Variants in ZRANB1 observed in about 807,000 individuals in gnomAD.
ZRANB1 encodes the protein ubiquitin thioesterase ZRANB1.
A neutral mutation model predicts 80.5 loss-of-function variants in ZRANB1; 16 were observed. That is an observed-to-expected ratio of 0.20 (90% CI 0.13 to 0.30). The LOEUF (loss-of-function observed/expected upper bound fraction) is 0.30. ZRANB1 is among the 10% of genes least tolerant of loss of function. The pLI is 1.00. For synonymous variants in ZRANB1, 291 were observed against 293.1 expected, an observed-to-expected ratio of 0.99 and a Z score of 0.07; for missense variants, 576 against 862.6, an observed-to-expected ratio of 0.67 and a Z score of 4.16.
the ZRANB1 span, among the ~76,000 whole-genome samples, chr10:124,930,774 C>G: frequency 2.0e-5 from 3 of 152,082 alleles, no homozygotes; most frequent in African/African-American, 7.2e-5. Context: ...GTGGCTCATG[C>G]CTGTAAACCC....
rs114751724 is a variant in ZRANB1, at chr10:124,970,247, C to T, written c.1003-1718C>T. On this transcript the variant is annotated intron_variant, in intron 2 of 8. Transcript: ENST00000359653. ...AAAGTCTAGTTGAACTGAATTTCCA[C>T]GTAGGAGTTTTTAAATTTTTTATTT... Among the ~76,000 whole-genome samples the T allele has an allele frequency of 7.2e-3, 1,090 of 152,124 alleles. 17 individuals are homozygous for T. The highest frequency in any genetic ancestry group is 0.025 in the African/African-American group (1,031 of 41,480).
the ZRANB1 span, among the ~76,000 whole-genome samples, chr10:124,924,020 C>T: frequency 6.7e-6 from 1 of 149,752 alleles, no homozygotes; most frequent in Non-Finnish European, 1.5e-5. Context: ...ACTCACACAC[C>T]GCAGTTTTGG....
intron 5 of ZRANB1, 123 bp downstream of exon 5, chr10:124,974,521 T>A (rs1951857376): frequency 2.0e-6 from 2 of 993,486 alleles, no homozygotes; most frequent in South Asian, 3.3e-5. Flanking sequence ...AAACAGTTCA[T>A]TTTGGACATT....
chr10:124,964,656 CTT>C, intron 1 of ZRANB1, among the ~76,000 whole-genome samples: 1 of 152,114 alleles, frequency 6.6e-6, no homozygotes, highest in Middle Eastern at 3.2e-3. Flanking sequence ...TGATCAGACT[CTT>C]GGGTTGTTTT....
At chr10:124,923,014 C>T in the ZRANB1 span, among the ~76,000 whole-genome samples, 18 of 152,164 alleles carry the variant, frequency 1.2e-4, no homozygotes, top group South Asian at 4.2e-4. Flanking sequence ...ATCAGCCGGG[C>T]GCAGTGGCTC....
rs139428521 is a variant in ZRANB1, at chr10:124,967,873, G to A, written c.1002+1092G>A. Among the ~76,000 whole-genome samples, 754 of 151,900 alleles carry A rather than the reference G, an allele frequency of 5.0e-3. 4 individuals are homozygous for A. The highest frequency in any genetic ancestry group is 0.015 in the African/African-American group (613 of 41,426). The stretch of plus-strand genomic sequence containing the variant: ...AGATTGTGTATGAATTATTCAGAAT[G>A]TGACTACATTATCCAGGTTTTTTTT... On this transcript the variant is annotated intron_variant, in intron 2 of 8. Transcript: ENST00000359653.
intron 1 of ZRANB1, among the ~76,000 whole-genome samples, chr10:124,950,249 C>T (rs1951626159): frequency 1.3e-5 from 2 of 152,068 alleles, no homozygotes; most frequent in Admixed American, 1.3e-4. Flanking sequence ...CTCAGCCACC[C>T]AGGTAGATGG....
At chr10:124,940,446 C>A, upstream of ZRANB1, 1 of 1,211,370 alleles carries the variant, frequency 8.3e-7, no homozygotes. Flanking sequence ...GAATTCTGAG[C>A]CAGCATGAAG....
intron 4 of ZRANB1, 32 bp from the exon 5 acceptor site, chr10:124,974,168 G>A (rs767767662): frequency 1.3e-4 from 204 of 1,606,774 alleles, no homozygotes; most frequent in Non-Finnish European, 1.7e-4. Context: ...CATAGGTATG[G>A]AAATGAACAT....
chr10:124,943,276 G>C lies in ZRANB1; in HGVS notation c.783G>C (p.Lys261Asn). 6.2e-7 allele frequency: 1 copy of C among 1,613,978 alleles called. No individual in the cohort carries two copies. ...KLKQIKNRMK[K>N]TDWLFLNACV... ...AGCAAATTAAAAACAGGATGAAAAAGACTGATTGGCTCTTCCTCAATGCTT... is the reference window on the plus strand; with the variant it reads ...AGCAAATTAAAAACAGGATGAAAAACACTGATTGGCTCTTCCTCAATGCTT... Residue 261 changes from lysine to asparagine, a missense_variant, in exon 1 of 9, where the codon AAG becomes AAC. Around this residue, in one of 3 missense-constraint regions of ZRANB1, gnomAD observed 411 missense variants for 583.1 expected, o/e 0.70. Transcript: ENST00000359653.
chr10:124,938,472 A>G (rs1255553796), upstream of ZRANB1, among the ~76,000 whole-genome samples: 4 of 151,982 alleles, frequency 2.6e-5, no homozygotes, highest in Admixed American at 6.6e-5. Flanking sequence ...GACTACAGGC[A>G]TGTGCCACCA....
chr10:124,940,408 C>G, upstream of ZRANB1: 1 of 850,088 alleles, frequency 1.2e-6, no homozygotes, highest in Admixed American at 2.8e-5. Flanking sequence ...CCACTTATCA[C>G]GTTTTGCAGT....
Position 124,942,692 on chromosome 10 carries a change from T to C in ZRANB1, c.199T>C (p.Cys67Arg). Residue 67 changes from cysteine to arginine, a missense_variant, in exon 1 of 9, where the codon TGT (cysteine) becomes CGT (arginine). Around this residue, in one of 3 missense-constraint regions of ZRANB1, gnomAD observed 411 missense variants for 583.1 expected, o/e 0.70. Transcript: ENST00000359653. Reference sequence around the variant, plus strand: ...CGAAGGAGGAAGTAGTCCTTTGATATGTCCAGACTCTAGTGCAAGACCAAG... The same window carrying C: ...CGAAGGAGGAAGTAGTCCTTTGATACGTCCAGACTCTAGTGCAAGACCAAG... ...STEGGSSPLI[C>R]PDSSARPRVK... 6.2e-7 allele frequency: 1 copy of C among 1,614,244 alleles called. No homozygotes were observed. Among genetic ancestry groups the C allele is most frequent in the Non-Finnish European group, 8.5e-7 (1 of 1,180,038 alleles).
At position 124,971,330 on chromosome 10, in the gene ZRANB1, T is replaced by C. The variant is rs78171972; in HGVS notation, c.1003-635T>C. The stretch of plus-strand genomic sequence containing the variant: ...CTTCTTTGGTTTGTTGTTTTCTTGC[T>C]TAGAGGCCTGTGCAGTAGTGCTCCC... On this transcript the variant is annotated intron_variant, in intron 2 of 8. Transcript: ENST00000359653. Among the ~76,000 whole-genome samples, 15 of 152,370 alleles carry C rather than the reference T, an allele frequency of 9.8e-5. No individual in the cohort carries two copies. The East Asian group carries it at 2.7e-3, about 27-fold the overall frequency.
chr10:124,961,231 C>CCT (rs1313994034), intron 1 of ZRANB1, among the ~76,000 whole-genome samples: 2 of 152,142 alleles, frequency 1.3e-5, no homozygotes, highest in East Asian at 3.9e-4. Flanking sequence ...GTCTTGAACT[C>CCT]CTGACCTCAG....
At chr10:124,964,665 T>C (rs1226299365) in intron 1 of ZRANB1, among the ~76,000 whole-genome samples, 4 of 152,210 alleles carry the variant, frequency 2.6e-5, no homozygotes, top group South Asian at 4.1e-4. Context: ...TCTTGGGTTG[T>C]TTTTGGAAGT....
rs1951934547 is a variant in ZRANB1 at position 124,981,607 on chromosome 10, A to G, written c.1428-102A>G. ...ACAAAATAAAATTATTAATTGTTTC[A>G]CAGACTGCTTAAAGACTGCATTAAA... On this transcript the variant is annotated intron_variant, in intron 5 of 8. Transcript: ENST00000359653. The G allele has an allele frequency of 6.4e-6, 7 of 1,100,288 alleles. 1 individual carries two copies. The South Asian group carries it at 1.3e-4, about 20-fold the overall frequency. The allele number at this position is 1,100,288 out of a possible 1,614,324, so 68.2% of individuals were successfully genotyped here. A position where few individuals can be genotyped will look rare whatever the true frequency, so the allele number is the denominator to read the frequency against.
intron 1 of ZRANB1, among the ~76,000 whole-genome samples, chr10:124,958,539 CT>C (rs764013246): frequency 2.5e-4 from 38 of 151,114 alleles, no homozygotes; most frequent in East Asian, 7.8e-4. Flanking sequence ...TATTTTCAGT[CT>C]TTTTTTTTGC....
intron 5 of ZRANB1, among the ~76,000 whole-genome samples, chr10:124,978,634 T>C (rs1589855462): frequency 6.6e-6 from 1 of 152,230 alleles, no homozygotes. Flanking sequence ...TATTCCTTTT[T>C]TTCTTTTTGG....
Sources: allele counts gnomAD v4.1 joint callset (sites outside exome capture counted in the v4.1 genomes callset), GRCh38; gene constraint gnomAD v4.1.1; regional missense constraint gnomAD v4.1.1; transcripts MANE v1.5; gene names NCBI Gene and HGNC (gene_info 2026-07-23, HGNC 2026-07-21).